Variants in TINAG observed in about 807,000 individuals in gnomAD.
The protein encoded by TINAG is tubulointerstitial nephritis antigen.
In TINAG, 83 loss-of-function variants were observed where a neutral mutation model predicts 72.7. The observed-to-expected ratio is 1.14, with a 90% CI of 0.96 to 1.37. The LOEUF (loss-of-function observed/expected upper bound fraction) is 1.37, where lower values mean the gene tolerates loss of function less well. Ranked by LOEUF, TINAG falls within the 40% of genes most tolerant of loss-of-function variation. The pLI, the probability that TINAG is intolerant of heterozygous loss-of-function variation, is 0.00. For synonymous variants in TINAG, 234 were observed against 189.9 expected (o/e 1.23, Z -1.91); for missense variants, 685 against 576.6 (o/e 1.19, Z -1.93).
chr6:54,373,968 G>T (rs1050535370), intron 9 of TINAG, among the ~76,000 whole-genome samples: 1 of 152,094 alleles, frequency 6.6e-6, no homozygotes, highest in Non-Finnish European at 1.5e-5. Flanking sequence ...TCACATTGTT[G>T]TAGATGTATA....
chr6:54,388,960 G>A (rs1332346064), intron 10 of TINAG, among the ~76,000 whole-genome samples: 4 of 152,006 alleles, frequency 2.6e-5, no homozygotes, highest in African/African-American at 7.2e-5. Context: ...CTATCCACTT[G>A]ATGTCATATA....
At chr6:54,360,407 G>A (rs1474971657) in intron 9 of TINAG, among the ~76,000 whole-genome samples, 1 of 151,558 alleles carries the variant, frequency 6.6e-6, no homozygotes, top group African/African-American at 2.4e-5. Flanking sequence ...ATCGATTATG[G>A]TATGAATCCC....
intron 1 of TINAG, among the ~76,000 whole-genome samples, chr6:54,309,416 C>G (rs892451392): frequency 2.0e-5 from 3 of 152,068 alleles, no homozygotes; most frequent in African/African-American, 7.2e-5. Context: ...AGTCAGTCAC[C>G]CGCTCTGCCT....
At chr6:54,382,154 A>G (rs773533247) in intron 10 of TINAG, among the ~76,000 whole-genome samples, 4 of 152,070 alleles carry the variant, frequency 2.6e-5, no homozygotes, top group African/African-American at 9.7e-5. Context: ...TTCAAAGAAA[A>G]TTTTATTTCA....
chr6:54,366,397 T>A (rs898604400), intron 9 of TINAG, among the ~76,000 whole-genome samples: 2 of 151,668 alleles, frequency 1.3e-5, no homozygotes, highest in African/African-American at 4.8e-5. Flanking sequence ...CAAATGCAGT[T>A]TTTTTAATAT....
At chr6:54,352,510 T>C (rs1009189775) in intron 8 of TINAG, among the ~76,000 whole-genome samples, 6 of 151,866 alleles carry the variant, frequency 4.0e-5, no homozygotes, top group African/African-American at 1.4e-4. Flanking sequence ...GTTGGTTATT[T>C]GTTGGTTATT....
chr6:54,380,769 T>G (rs1763922533), intron 10 of TINAG, among the ~76,000 whole-genome samples, 198 bp downstream of exon 10: 1 of 151,902 alleles, frequency 6.6e-6, no homozygotes, highest in Admixed American at 6.6e-5. Flanking sequence ...TCTCAGTATT[T>G]CAAATTGTAA....
chr6:54,389,992 A>G lies in TINAG; in HGVS notation c.*67A>G. ...CCCTAAATTGAAGTTTAGCAATATG[A>G]CATTCTTGGTGACAGTGGAATCTTT... On this transcript the variant is annotated 3_prime_UTR_variant, in exon 11 of 11. Coordinates refer to ENST00000259782, the MANE Select transcript of TINAG (RefSeq NM_014464.4). The G allele has an allele frequency of 1.9e-6, 3 of 1,570,410 alleles. No individual in the cohort carries two copies. Among genetic ancestry groups the G allele is most frequent in the Non-Finnish European group, 2.6e-6 (3 of 1,161,068 alleles).
In TINAG at chr6:54,389,919, A is replaced by G. The variant is rs1471694776; in HGVS notation, c.1425A>G (p.Glu475=). The change falls in exon 11 of 11, where the codon GAA becomes GAG. Residue 475 remains glutamate (E), a synonymous_variant. Transcript: ENST00000259782. ...AAWGQLTSSD[E]P Reference sequence around the variant, plus strand: ...GGGGCCAACTGACGAGTTCTGATGAACCATAACATATCATTAAATTTCCAT... The same window carrying G: ...GGGGCCAACTGACGAGTTCTGATGAGCCATAACATATCATTAAATTTCCAT... 6.2e-7 allele frequency: 1 copy of G among 1,609,212 alleles called. No homozygotes were observed. The highest frequency in any genetic ancestry group is 8.5e-7 in the Non-Finnish European group (1 of 1,178,318).
At chr6:54,366,616 G>A (rs759443532) in intron 9 of TINAG, among the ~76,000 whole-genome samples, 10 of 151,396 alleles carry the variant, frequency 6.6e-5, no homozygotes, top group Non-Finnish European at 1.2e-4. Flanking sequence ...GAGAGAGAGA[G>A]AGAGAGAAGA....
intron 1 of TINAG, among the ~76,000 whole-genome samples, chr6:54,319,596 A>G (rs1160686891): frequency 6.6e-6 from 1 of 152,182 alleles, no homozygotes; most frequent in East Asian, 1.9e-4. Context: ...ATTTTTTATT[A>G]CAATATTTTT....
At chr6:54,362,993 A>T (rs1582742277) in intron 9 of TINAG, among the ~76,000 whole-genome samples, 1 of 151,724 alleles carries the variant, frequency 6.6e-6, no homozygotes, top group Non-Finnish European at 1.5e-5. Flanking sequence ...GTAAGAAGAC[A>T]TATGATAGAT....
At chr6:54,322,684 C>A (rs75683912) in intron 3 of TINAG, among the ~76,000 whole-genome samples, 1 of 152,050 alleles carries the variant, frequency 6.6e-6, no homozygotes, top group Non-Finnish European at 1.5e-5. Context: ...TAGAAAGTCA[C>A]ATTTGTTGAT....
chr6:54,354,591 C>T lies in TINAG; in HGVS notation c.1205C>T (p.Ser402Leu). ...CATGTTACCAGCACAAATAAAGAAT[C>T]AGAAAAATATCGAAAGCTTCAGACA... is the stretch of plus-strand genomic sequence containing the variant. ...YRHVTSTNKE[S>L]EKYRKLQTHA... The change falls in exon 9 of 11, where the codon TCA becomes TTA. Residue 402 changes from serine to leucine, a missense_variant. Physicochemically the swap from Ser to Leu is moderately radical, Grantham distance 145 (BLOSUM62 -2). Transcript: ENST00000259782. 1 of 1,610,652 alleles carries T rather than the reference C, an allele frequency of 6.2e-7. No homozygotes were observed. Among genetic ancestry groups the T allele is most frequent in the Non-Finnish European group, 8.5e-7 (1 of 1,178,154 alleles).
chr6:54,320,736 T>C (rs1343182113), intron 2 of TINAG, 94 bp downstream of exon 2: 3 of 971,710 alleles, frequency 3.1e-6, no homozygotes, highest in Non-Finnish European at 4.6e-6. Flanking sequence ...TATACATTTA[T>C]GTACATATAG....
chr6:54,327,705 C>T (rs1784640488), intron 4 of TINAG, among the ~76,000 whole-genome samples: 1 of 152,166 alleles, frequency 6.6e-6, no homozygotes, highest in South Asian at 2.1e-4. Context: ...GATACACTGG[C>T]TTGACATTCT....
chr6:54,352,170 G>C (rs892586104), intron 8 of TINAG, among the ~76,000 whole-genome samples: 1 of 151,586 alleles, frequency 6.6e-6, no homozygotes. Flanking sequence ...TGAAGGGCCC[G>C]GAATATATTA....
chr6:54,363,429 C>T (rs1763300142), intron 9 of TINAG, among the ~76,000 whole-genome samples: 1 of 151,122 alleles, frequency 6.6e-6, no homozygotes, highest in Non-Finnish European at 1.5e-5. Context: ...TGGATCAAGA[C>T]ATATTTGGGG....
chr6:54,324,681 C>A (rs1276807449), intron 3 of TINAG, among the ~76,000 whole-genome samples: 1 of 152,188 alleles, frequency 6.6e-6, no homozygotes, highest in Non-Finnish European at 1.5e-5. Flanking sequence ...TCTATCTGCT[C>A]AACTTGAAAA....
Sources: gnomAD v4.1 joint callset for allele counts (sites outside exome capture counted in the v4.1 genomes callset) on GRCh38, gnomAD v4.1.1 for gene constraint, MANE v1.5 for transcripts, NCBI Gene and HGNC (gene_info 2026-07-23, HGNC 2026-07-21) for gene names.